Variants in SATB2 observed in about 807,000 individuals in gnomAD.
The protein encoded by SATB2 is SATB homeobox 2.
Under a neutral mutation model 73.4 loss-of-function variants are expected in SATB2, and 1 was observed. That is an observed-to-expected ratio of 0.01 (90% CI 0.00 to 0.06). The LOEUF (loss-of-function observed/expected upper bound fraction) is 0.06. Among genes scored for constraint, SATB2 ranks in the 10% least tolerant of loss-of-function variants. The probability of loss-of-function intolerance (pLI) is 1.00; values close to 1 mark genes in which losing one functional copy is unlikely to be tolerated. For missense variants in SATB2, 459 were observed against 945.8 expected (o/e 0.49, Z 6.75); for synonymous variants, 397 against 367.0 (o/e 1.08, Z -0.93).
intron 2 of SATB2, among the ~76,000 whole-genome samples, chr2:199,440,531 T>A (rs559081107): frequency 6.6e-5 from 10 of 152,068 alleles, no homozygotes; most frequent in South Asian, 4.2e-4. Flanking sequence ...AGAAAAAAAA[T>A]TTCACCAATT....
At chr2:199,305,891 G>A (rs950785720) in intron 10 of SATB2, among the ~76,000 whole-genome samples, 2 of 152,068 alleles carry the variant, frequency 1.3e-5, no homozygotes, top group South Asian at 2.1e-4. Context: ...GAGGACTTAC[G>A]TGTTTTTTAA....
chr2:199,435,469 C>T (rs1362942194), intron 2 of SATB2, among the ~76,000 whole-genome samples: 2 of 152,010 alleles, frequency 1.3e-5, no homozygotes, highest in African/African-American at 4.8e-5. Flanking sequence ...CTGCCTCAGC[C>T]TCCTGAGAAG....
intron 1 of SATB2, 61 bp from the exon 2 acceptor site, chr2:199,456,157 A>C: frequency 1.1e-6 from 1 of 932,890 alleles, no homozygotes; most frequent in African/African-American, 1.6e-5. Flanking sequence ...CCGCTCATAC[A>C]CGTGATAGAC....
chr2:199,368,203 T>C (rs1191141968), intron 6 of SATB2, among the ~76,000 whole-genome samples: 1 of 152,120 alleles, frequency 6.6e-6, no homozygotes, highest in African/African-American at 2.4e-5. Context: ...TCACCACTGC[T>C]CTGGAATCGT....
chr2:199,274,157 T>C (rs1005773845), intron 10 of SATB2, among the ~76,000 whole-genome samples: 3 of 152,244 alleles, frequency 2.0e-5, no homozygotes, highest in African/African-American at 7.2e-5. Flanking sequence ...ATTTTATGGA[T>C]CTTTTTCATT....
At chr2:199,353,940 G>A (rs1235254008) in intron 6 of SATB2, among the ~76,000 whole-genome samples, 4 of 152,188 alleles carry the variant, frequency 2.6e-5, no homozygotes, top group Admixed American at 2.6e-4. Context: ...CAGAAGATCA[G>A]AAATCCTGGA....
intron 5 of SATB2, among the ~76,000 whole-genome samples, chr2:199,376,560 C>T (rs1211161966): frequency 1.3e-5 from 2 of 152,178 alleles, no homozygotes; most frequent in East Asian, 3.9e-4. Flanking sequence ...AGGACAGCCC[C>T]CCACCACAAA....
chr2:199,317,936 T>C (rs1337191152), intron 9 of SATB2, among the ~76,000 whole-genome samples: 2 of 152,048 alleles, frequency 1.3e-5, no homozygotes, highest in African/African-American at 2.4e-5. Flanking sequence ...AGCGTACATA[T>C]ATTAAACTTT....
At chr2:199,430,972 C>T (rs1032271973) in intron 3 of SATB2, among the ~76,000 whole-genome samples, 4 of 152,098 alleles carry the variant, frequency 2.6e-5, no homozygotes, top group African/African-American at 9.7e-5. Flanking sequence ...TTAGTTCTGC[C>T]CAACTTTTCC....
chr2:199,399,119 A>C (rs1031721460), intron 3 of SATB2, among the ~76,000 whole-genome samples: 5 of 152,022 alleles, frequency 3.3e-5, no homozygotes, highest in Non-Finnish European at 5.9e-5. Context: ...AAAAAATATA[A>C]ACACTAGCCA....
rs531933724 is a variant in SATB2, at chr2:199,272,255, C to A, written c.2158G>T (p.Ala720Ser). The change falls in exon 11 of 11, where the codon GCT becomes TCT. Residue 720 changes from alanine (A) to serine (S), a missense_variant. This residue lies in a region of SATB2 where 41 missense variants were observed against 38.6 expected (regional missense o/e 1.06). Coordinates refer to ENST00000417098, the MANE Select transcript of SATB2 (RefSeq NM_001172509.2). This position sits in a 1 kb window ranked among gnomAD's most constrained non-coding sequence, Gnocchi z 6.7. ...GCAGGTGCTGCCTTGCTTTTGTCAG[C>A]ATTTTCCTCCTCAGCCTCCACTTTG... ...MYKVEAEEEN[A>S]DKSKAAPAEI... 1 of 1,614,190 alleles carries A rather than the reference C, an allele frequency of 6.2e-7. No individual in the cohort carries two copies. Among genetic ancestry groups the A allele is most frequent in the African/African-American group, 1.3e-5 (1 of 75,048 alleles).
In SATB2 at chr2:199,308,747, C is replaced by T. The variant is rs370059359; in HGVS notation, c.1740+13G>A. 9.3e-6 allele frequency: 15 copies of T among 1,612,676 alleles called. No individual in the cohort carries two copies. In the African/African-American group the frequency reaches 1.3e-4, roughly 14 times the overall value. On this transcript the variant is annotated intron_variant, in intron 10 of 10. Transcript: ENST00000417098. The surrounding 1 kb of genome is among the most constrained non-coding windows in gnomAD (Gnocchi z 4.6). ...CCCTGATCAGGTGGGGTACGGCGGT[C>T]GGGGACACTGACCTGCACCGGCTCA...
intron 3 of SATB2, among the ~76,000 whole-genome samples, chr2:199,427,034 T>A (rs1003984171): frequency 3.9e-5 from 6 of 152,070 alleles, no homozygotes; most frequent in Non-Finnish European, 7.4e-5. Context: ...CCTGCCACCA[T>A]GCCTGGCTAA....
chr2:199,328,956 A>G (rs768377374), intron 7 of SATB2, 46 bp from the exon 8 acceptor site: 6 of 1,479,868 alleles, frequency 4.1e-6, no homozygotes, highest in Non-Finnish European at 4.7e-6. Flanking sequence ...ATTTGCAGGT[A>G]TATGTGTGTG....
chr2:199,433,114 G>C (rs1691551711), intron 3 of SATB2, among the ~76,000 whole-genome samples: 1 of 152,246 alleles, frequency 6.6e-6, no homozygotes, highest in South Asian at 2.1e-4. Flanking sequence ...ATCTATGATC[G>C]GTTTGAAATG....
chr2:199,396,596 C>A (rs1324731844), intron 3 of SATB2: 1 of 152,062 alleles, frequency 6.6e-6, no homozygotes, highest in East Asian at 1.9e-4. Context: ...CAGAGAGGAG[C>A]CAAGTGAGGA....
intron 2 of SATB2, among the ~76,000 whole-genome samples, chr2:199,452,125 T>C (rs1400002582): frequency 6.6e-6 from 1 of 152,108 alleles, no homozygotes; most frequent in Admixed American, 6.5e-5. Context: ...ATCATAAAAA[T>C]TCATAGGAAA....
rs1337726984 is a variant in SATB2 at position 199,463,201 on chromosome 2, TTAA to T, written c.-141+1632_-141+1634del. 6.6e-6 allele frequency among the ~76,000 whole-genome samples: 1 copy of T among 152,084 alleles called. No homozygotes were observed. ...TTCATTCTTTTGCAGAGCCCAGAACTTAATAGGTGGGTCCCCTTCTGCAACCAC... is the reference window on the plus strand; with the variant it reads ...TTCATTCTTTTGCAGAGCCCAGAACTTAGGTGGGTCCCCTTCTGCAACCAC... On this transcript the variant is annotated intron_variant, in intron 1 of 11. Transcript: ENST00000260926. This position sits in a 1 kb window ranked among gnomAD's most constrained non-coding sequence, Gnocchi z 6.4.
Position 199,329,607 on chromosome 2 carries a change from C to T in SATB2, c.1174-697G>A, listed in dbSNP as rs551737906. On this transcript the variant is annotated intron_variant, in intron 7 of 10. Coordinates refer to ENST00000417098, the MANE Select transcript of SATB2 (RefSeq NM_001172509.2). The stretch of plus-strand genomic sequence containing the variant: ...ACCATTAAAGCAATGAAAATGAAGT[C>T]ACCTCTGGCGAGGGGCTGAGCACAC... Among the ~76,000 whole-genome samples, 42 of 152,160 alleles carry T rather than the reference C, an allele frequency of 2.8e-4. 1 individual carries two copies. Among genetic ancestry groups the T allele is most frequent in the South Asian group, 6.2e-4 (3 of 4,816 alleles).
Sources: allele counts gnomAD v4.1 joint callset (sites outside exome capture counted in the v4.1 genomes callset), GRCh38; gene constraint gnomAD v4.1.1; regional missense constraint gnomAD v4.1.1; non-coding constraint Gnocchi (gnomAD v3.1); transcripts MANE v1.5; gene names NCBI Gene and HGNC (gene_info 2026-07-23, HGNC 2026-07-21).